ACSF3: variants seen among roughly 807,000 people sequenced by gnomAD.
ACSF3 encodes the protein acyl-CoA synthetase family member 3.
A neutral mutation model predicts 53.2 loss-of-function variants in ACSF3; 78 were observed. The ratio of observed to expected loss-of-function variants is 1.47; its 90% CI spans 1.22 to 1.77. The LOEUF (loss-of-function observed/expected upper bound fraction) is 1.77. Among genes scored for constraint, ACSF3 ranks in the 40% most tolerant of loss-of-function variants. ACSF3 has a pLI of 0.00. For missense variants in ACSF3, 937 were observed against 771.1 expected, an observed-to-expected ratio of 1.22 and a Z score of -2.55; for synonymous variants, 414 against 333.1, an observed-to-expected ratio of 1.24 and a Z score of -2.65.
chr16:89,154,016 A>ACTGCTGGGCGCCTGAGTTCCTC (rs1914430687), intron 10 of ACSF3, 74 bp from the exon 11 acceptor site: 1 of 1,491,338 alleles, frequency 6.7e-7, no homozygotes. Context: ...ACCTGTCCGT[A>ACTGCTGGGCGCCTGAGTTCCTC]CTGCTGGGCG....
intron 7 of ACSF3, 98 bp from the exon 8 acceptor site, chr16:89,133,038 G>A: frequency 6.4e-7 from 1 of 1,556,072 alleles, no homozygotes; most frequent in Non-Finnish European, 8.8e-7. Flanking sequence ...GGCCCTGGGT[G>A]GGCCCTGGGT....
chr16:89,114,730 G>A, intron 6 of ACSF3: 3 of 612,806 alleles, frequency 4.9e-6, no homozygotes, highest in South Asian at 3.6e-5. Flanking sequence ...GCCCCTGGCT[G>A]TATGACTGGG....
intron 10 of ACSF3, chr16:89,152,753 A>G (rs1914249526): frequency 6.6e-6 from 1 of 152,196 alleles, no homozygotes; most frequent in Admixed American, 6.5e-5. Flanking sequence ...GAACATTGGA[A>G]CCAGGTAAGG....
At chr16:89,145,881 G>T in intron 9 of ACSF3, 57 bp from the exon 10 acceptor site, 1 of 1,456,082 alleles carries the variant, frequency 6.9e-7, no homozygotes, top group Non-Finnish European at 9.7e-7. Context: ...GGCACTCTTC[G>T]GCCTGTAAGG....
chr16:89,154,446 C>G lies in ACSF3; in HGVS notation c.*239C>G. 1.5e-6 allele frequency: 1 copy of G among 648,582 alleles called. No individual in the cohort carries two copies. The highest frequency in any genetic ancestry group is 2.8e-6 in the Non-Finnish European group (1 of 352,338). The allele number at this position is 648,582 out of a possible 1,614,324, so 40.2% of individuals were successfully genotyped here. On this transcript the variant is annotated 3_prime_UTR_variant, in exon 11 of 11. Transcript: ENST00000614302. ...ACCTCTGCCTGGTCACCGCCGACCT[C>G]ATCTGTGCAGCGCGGTGCAGCCAGC... is the stretch of plus-strand genomic sequence containing the variant.
intron 7 of ACSF3, 61 bp from the exon 8 acceptor site, chr16:89,133,075 A>G: frequency 1.9e-6 from 3 of 1,610,980 alleles, no homozygotes; most frequent in Non-Finnish European, 2.5e-6. Flanking sequence ...ACAGTTTCAG[A>G]AAGCACCAAT....
chr16:89,104,494 C>T (rs574107081), intron 4 of ACSF3, among the ~76,000 whole-genome samples: 13 of 152,326 alleles, frequency 8.5e-5, no homozygotes, highest in Non-Finnish European at 1.6e-4. Flanking sequence ...CTGGCCCCAT[C>T]GAAGGCTGTG....
chr16:89,138,559 G>T (rs771530508), intron 8 of ACSF3, among the ~76,000 whole-genome samples: 1 of 152,196 alleles, frequency 6.6e-6, no homozygotes, highest in African/African-American at 2.4e-5. Context: ...CCTTTCATCC[G>T]GCAGAGGGAC....
intron 8 of ACSF3, among the ~76,000 whole-genome samples, chr16:89,142,963 C>T (rs973914509): frequency 2.0e-5 from 3 of 152,132 alleles, no homozygotes; most frequent in Non-Finnish European, 2.9e-5. Flanking sequence ...CAAGTTATTG[C>T]GCGATCATAA....
chr16:89,131,850 G>A (rs1909389197), intron 7 of ACSF3, among the ~76,000 whole-genome samples: 1 of 152,282 alleles, frequency 6.6e-6, no homozygotes, highest in African/African-American at 2.4e-5. Flanking sequence ...CAAACACAAG[G>A]CTCTGAGCAG....
At chr16:89,101,960 C>T (rs145995360) in intron 3 of ACSF3, among the ~76,000 whole-genome samples, 48 of 152,336 alleles carry the variant, frequency 3.2e-4, no homozygotes, top group East Asian at 2.5e-3. Flanking sequence ...CTCCTGGAAG[C>T]GGCGCGCCTG....
rs1012271385 is a variant in ACSF3 at position 89,145,969 on chromosome 16, A to G, written c.1533A>G (p.Thr511=). The change falls in exon 10 of 11, where the codon ACA becomes ACG. Residue 511 remains threonine (T), a synonymous_variant. Transcript: ENST00000614302. Reference sequence around the variant, plus strand: ...CTGTGATTGGAGTTCCGGATATGACATGGGGCCAGCGGGTCACTGCTGTGG... The same window carrying G: ...CTGTGATTGGAGTTCCGGATATGACGTGGGGCCAGCGGGTCACTGCTGTGG... ...DVAVIGVPDM[T]WGQRVTAVVT... The G allele has an allele frequency of 1.3e-6, 2 of 1,555,032 alleles. No individual in the cohort carries two copies. Among genetic ancestry groups the G allele is most frequent in the Non-Finnish European group, 1.8e-6 (2 of 1,141,524 alleles).
chr16:89,118,263 G>C (rs1597973717), intron 6 of ACSF3, among the ~76,000 whole-genome samples: 1 of 152,204 alleles, frequency 6.6e-6, no homozygotes, highest in East Asian at 1.9e-4. Context: ...TCTTCTCTAA[G>C]GCAGAATCAA....
intron 8 of ACSF3, among the ~76,000 whole-genome samples, chr16:89,140,198 C>T (rs911454424): frequency 2.0e-5 from 3 of 152,204 alleles, no homozygotes; most frequent in Non-Finnish European, 2.9e-5. Context: ...TGTGCCTGGC[C>T]GCAATGGAGG....
At chr16:89,109,950 G>C (rs1360105599) in intron 4 of ACSF3, among the ~76,000 whole-genome samples, 10 of 152,062 alleles carry the variant, frequency 6.6e-5, no homozygotes, top group Non-Finnish European at 4.4e-5. Context: ...TGAAATCTTT[G>C]GCCATTTTTA....
chr16:89,136,629 G>T lies in ACSF3; in HGVS notation c.1366+3367G>T, dbSNP rs948288261. On this transcript the variant is annotated intron_variant, in intron 8 of 10. Coordinates refer to ENST00000614302, the MANE Select transcript of ACSF3 (RefSeq NM_001243279.3). Reference sequence around the variant, plus strand: ...GGATGGCTGGACACAGCTGAGGATGGCCGAGGCCGGCCTGCAGCTCCCCAA... The same window carrying T: ...GGATGGCTGGACACAGCTGAGGATGTCCGAGGCCGGCCTGCAGCTCCCCAA... The T allele has an allele frequency of 5.4e-6, 7 of 1,287,114 alleles. No homozygotes were observed. In the African/African-American group the frequency reaches 1.1e-4, roughly 20 times the overall value. The allele number at this position is 1,287,114 out of a possible 1,614,324, so 79.7% of individuals were successfully genotyped here. A position where few individuals can be genotyped will look rare whatever the true frequency, so the allele number is the denominator to read the frequency against.
rs1275270374 is a variant in ACSF3 at position 89,093,941 on chromosome 16, A to G, written c.-249A>G. 1 of 326,876 alleles carries G rather than the reference A, an allele frequency of 3.1e-6. No homozygotes were observed. The highest frequency in any genetic ancestry group is 6.4e-6 in the Non-Finnish European group (1 of 156,694). The allele number at this position is 326,876 out of a possible 1,614,324, so 20.2% of individuals were successfully genotyped here. On this transcript the variant is annotated 5_prime_UTR_variant, in exon 1 of 11. Coordinates refer to ENST00000614302, the MANE Select transcript of ACSF3 (RefSeq NM_001243279.3). ...GACCCCGGCGCGCGCGCGGCGGAGG[A>G]CGAGGAAGAGTTGTGGCGAGGCAGA...
chr16:89,154,244 G>C lies in ACSF3; in HGVS notation c.*37G>C. ...GGGACTGCGGGTCTGGTGGGGAGCA[G>C]CAGACGTCCCCTTCACACCGAGAAC... On this transcript the variant is annotated 3_prime_UTR_variant, in exon 11 of 11. Transcript: ENST00000614302. 1 of 1,589,624 alleles carries C rather than the reference G, an allele frequency of 6.3e-7. No homozygotes were observed. The highest frequency in any genetic ancestry group is 8.6e-7 in the Non-Finnish European group (1 of 1,161,528).
chr16:89,153,713 C>T (rs930130955), intron 10 of ACSF3: 11 of 339,620 alleles, frequency 3.2e-5, no homozygotes, highest in Non-Finnish European at 4.0e-5. Context: ...GGGAACGGGC[C>T]ACAGAGTGAA....
Sources: gnomAD v4.1 joint callset for allele counts (sites outside exome capture counted in the v4.1 genomes callset) on GRCh38, gnomAD v4.1.1 for gene constraint, MANE v1.5 for transcripts, NCBI Gene and HGNC (gene_info 2026-07-23, HGNC 2026-07-21) for gene names.